PPP2R2B: variants seen among roughly 807,000 people sequenced by gnomAD.
PPP2R2B encodes the protein serine/threonine-protein phosphatase 2A 55 kDa regulatory subunit B beta isoform.
In PPP2R2B, 5 loss-of-function variants were observed where a neutral mutation model predicts 46.0. The ratio of observed to expected loss-of-function variants is 0.11; its 90% CI spans 0.06 to 0.23. PPP2R2B has a LOEUF of 0.23. Ranked by LOEUF, PPP2R2B falls within the 10% of genes least tolerant of loss-of-function variation. The pLI, the probability that PPP2R2B is intolerant of heterozygous loss-of-function variation, is 1.00. For missense variants in PPP2R2B, 367 were observed against 575.0 expected, an observed-to-expected ratio of 0.64 and a Z score of 3.70; for synonymous variants, 215 against 206.7, an observed-to-expected ratio of 1.04 and a Z score of -0.34.
chr5:146,799,345 T>C (rs1756724971), intron 2 of PPP2R2B, among the ~76,000 whole-genome samples: 1 of 152,208 alleles, frequency 6.6e-6, no homozygotes, highest in Admixed American at 6.5e-5. Flanking sequence ...GGGAGCTCTA[T>C]TTACTTTTGG....
chr5:147,022,522 T>C (rs1297130220), intron 1 of PPP2R2B, among the ~76,000 whole-genome samples: 1 of 151,462 alleles, frequency 6.6e-6, no homozygotes, highest in Non-Finnish European at 1.5e-5. Context: ...ATCATGCCAC[T>C]GCACTCCAGC....
intron 1 of PPP2R2B, among the ~76,000 whole-genome samples, chr5:146,912,512 CTT>C (rs58947506): frequency 0.46 from 66,581 of 144,276 alleles, 16,161 homozygotes; most frequent in East Asian, 0.66. Flanking sequence ...TTTCTTTTTT[CTT>C]TTTTTTTTTT....
At chr5:146,642,824 A>T (rs1775307188) in intron 6 of PPP2R2B, among the ~76,000 whole-genome samples, 1 of 152,214 alleles carries the variant, frequency 6.6e-6, no homozygotes, top group African/African-American at 2.4e-5. Context: ...TGGGAGTCCA[A>T]GATGCGTGGA....
intron 5 of PPP2R2B, among the ~76,000 whole-genome samples, chr5:146,659,808 A>G (rs550726498): frequency 1.6e-4 from 24 of 152,170 alleles, no homozygotes; most frequent in Non-Finnish European, 2.9e-4. Context: ...TCCAGCCCCT[A>G]TGGTAGCTAT....
chr5:146,651,696 T>A (rs1026783481), intron 5 of PPP2R2B, among the ~76,000 whole-genome samples: 2 of 152,118 alleles, frequency 1.3e-5, no homozygotes, highest in African/African-American at 4.8e-5. Context: ...AACAAGATAA[T>A]AAAATAACCA....
At chr5:147,067,673 CTGTCTA>C (rs1428476598) in intron 2 of PPP2R2B, among the ~76,000 whole-genome samples, 2 of 152,188 alleles carry the variant, frequency 1.3e-5, no homozygotes, top group Non-Finnish European at 2.9e-5. Context: ...CCCACTTTCT[CTGTCTA>C]TAAGTGGGCA....
chr5:147,001,879 G>A (rs1470889283), intron 1 of PPP2R2B, among the ~76,000 whole-genome samples: 1 of 152,134 alleles, frequency 6.6e-6, no homozygotes, highest in East Asian at 1.9e-4. Flanking sequence ...ACCAGCTGCT[G>A]CTTTTCCTGT....
chr5:146,898,286 T>A (rs1000553429), intron 1 of PPP2R2B, among the ~76,000 whole-genome samples: 5 of 152,220 alleles, frequency 3.3e-5, no homozygotes, highest in African/African-American at 1.2e-4. Context: ...TATCTCTGTT[T>A]TGGTACCAGT....
intron 1 of PPP2R2B, among the ~76,000 whole-genome samples, chr5:146,993,997 C>T (rs1296644315): frequency 1.3e-5 from 2 of 152,078 alleles, no homozygotes; most frequent in African/African-American, 4.8e-5. Flanking sequence ...TGTATTTTCC[C>T]TTGGGGTTTG....
At chr5:146,656,743 A>C (rs1270554725) in intron 5 of PPP2R2B, 1 of 152,446 alleles carries the variant, frequency 6.6e-6, no homozygotes, top group African/African-American at 2.4e-5. Flanking sequence ...GAAGCATGGC[A>C]GTTGGAGAAG....
chr5:147,027,461 C>T (rs7700297), intron 1 of PPP2R2B, among the ~76,000 whole-genome samples: 2,622 of 151,998 alleles, frequency 0.017, 78 homozygotes, highest in African/African-American at 0.06. Flanking sequence ...GGTGACACCT[C>T]GTCTCTACTA....
chr5:146,964,854 C>A (rs1339562968), intron 1 of PPP2R2B, among the ~76,000 whole-genome samples: 1 of 152,046 alleles, frequency 6.6e-6, no homozygotes, highest in Non-Finnish European at 1.5e-5. Flanking sequence ...AGGGAGTTGA[C>A]AAAGGGTCCT....
At chr5:146,605,965 G>C in intron 7 of PPP2R2B, among the ~76,000 whole-genome samples, 1 of 152,156 alleles carries the variant, frequency 6.6e-6, no homozygotes, top group East Asian at 1.9e-4. Flanking sequence ...TAAGTATCTT[G>C]TGGGAGCCCC....
chr5:146,753,072 G>A (rs186792033), intron 2 of PPP2R2B, among the ~76,000 whole-genome samples: 3 of 152,270 alleles, frequency 2.0e-5, no homozygotes, highest in Admixed American at 2.0e-4. Context: ...GGCAAAAGCA[G>A]AACTAGTACA....
At chr5:146,713,076 G>A (rs1250479165) in intron 2 of PPP2R2B, among the ~76,000 whole-genome samples, 1 of 152,204 alleles carries the variant, frequency 6.6e-6, no homozygotes, top group Non-Finnish European at 1.5e-5. Flanking sequence ...AAAACAAATA[G>A]AGCTGAGTAA....
intron 2 of PPP2R2B, among the ~76,000 whole-genome samples, chr5:146,835,174 CT>C (rs1379037365): frequency 1.3e-5 from 2 of 151,996 alleles, no homozygotes; most frequent in Admixed American, 1.3e-4. Context: ...TATTTTTTCA[CT>C]TGTAGTTATA....
chr5:147,047,425 T>C (rs1756594734), intron 1 of PPP2R2B, among the ~76,000 whole-genome samples: 1 of 152,090 alleles, frequency 6.6e-6, no homozygotes. Flanking sequence ...TGTATAATTA[T>C]TTGTCAATTT....
At chr5:146,744,259 A>C (rs1753045645) in intron 2 of PPP2R2B, among the ~76,000 whole-genome samples, 1 of 152,158 alleles carries the variant, frequency 6.6e-6, no homozygotes, top group Non-Finnish European at 1.5e-5. Context: ...TGCTCTTAAC[A>C]TGGCTACTTC....
intron 2 of PPP2R2B, among the ~76,000 whole-genome samples, chr5:147,074,788 A>G (rs529153243): frequency 2.6e-5 from 4 of 152,290 alleles, no homozygotes; most frequent in South Asian, 4.1e-4. Context: ...TACACCTCAC[A>G]TCGACAGTCA....
Sources: allele counts gnomAD v4.1 joint callset (sites outside exome capture counted in the v4.1 genomes callset), GRCh38; gene constraint gnomAD v4.1.1; transcripts MANE v1.5; gene names NCBI Gene and HGNC (gene_info 2026-07-23, HGNC 2026-07-21).